JAG2: variants seen among roughly 807,000 people sequenced by gnomAD.
JAG2 encodes the protein protein jagged-2.
Under a neutral mutation model 141.7 loss-of-function variants are expected in JAG2, and 46 were observed. The observed-to-expected ratio is 0.32, with a 90% CI of 0.26 to 0.42. The LOEUF (loss-of-function observed/expected upper bound fraction) is 0.42, where lower values mean the gene tolerates loss of function less well. Ranked by LOEUF, JAG2 falls within the 10% of genes least tolerant of loss-of-function variation. The pLI is 1.00. For missense variants in JAG2, 1,500 were observed against 1,817.5 expected (o/e 0.83, Z 3.18); for synonymous variants, 862 against 763.5 (o/e 1.13, Z -2.13).
Position 105,167,477 on chromosome 14 carries a change from G to A in JAG2, c.417+280C>T, listed in dbSNP as rs1000703971. ...TCCCCACCCAGACAGACACGCGCAG[G>A]GCGACGCAGGCACACGCCGCACACC... is the stretch of plus-strand genomic sequence containing the variant. On this transcript the variant is annotated intron_variant, in intron 2 of 25. Transcript: ENST00000331782. The surrounding 1 kb of genome is among the most constrained non-coding windows in gnomAD (Gnocchi z 4.8). Among the ~76,000 whole-genome samples the A allele has an allele frequency of 1.1e-4, 16 of 151,192 alleles. No homozygotes were observed. Among genetic ancestry groups the A allele is most frequent in the Non-Finnish European group, 1.6e-4 (11 of 67,692 alleles).
chr14:105,152,062 G>A lies in JAG2; in HGVS notation c.920-5C>T. ...GGCTGCCACAGTAGTTCAGGTCTGG[G>A]GGCAGGGGTGGGATGCTCAGGGGAA... On this transcript the variant is annotated splice_polypyrimidine_tract_variant and splice_region_variant and intron_variant, in intron 6 of 25. Transcript: ENST00000331782. 2 of 1,613,188 alleles carry A rather than the reference G, an allele frequency of 1.2e-6. No individual in the cohort carries two copies. Among genetic ancestry groups the A allele is most frequent in the South Asian group, 1.1e-5 (1 of 91,078 alleles).
chr14:105,167,657 ACGCAGACCCGGC>A lies in JAG2; in HGVS notation c.417+88_417+99del, dbSNP rs1888960508. ...CCCCGCCTGGGCGCGCGCGGCTCGC[ACGCAGACCCGGC>A]CGCAGGTGTTGGGGGTCGCGAAGCG... is the stretch of plus-strand genomic sequence containing the variant. On this transcript the variant is annotated intron_variant, in intron 2 of 25. Transcript: ENST00000331782. This position sits in a 1 kb window ranked among gnomAD's most constrained non-coding sequence, Gnocchi z 4.8. 3 of 1,211,242 alleles carry A rather than the reference ACGCAGACCCGGC, an allele frequency of 2.5e-6. No homozygotes were observed. The highest frequency in any genetic ancestry group is 3.2e-5 in the South Asian group (1 of 30,822). The allele number at this position is 1,211,242 out of a possible 1,614,324, so 75.0% of individuals were successfully genotyped here. A position where few individuals can be genotyped will look rare whatever the true frequency, so the allele number is the denominator to read the frequency against.
At chr14:105,166,308 G>A (rs1385593129) in intron 2 of JAG2, among the ~76,000 whole-genome samples, 1 of 152,250 alleles carries the variant, frequency 6.6e-6, no homozygotes, top group Non-Finnish European at 1.5e-5. Flanking sequence ...CTGCCAACTC[G>A]AGCAGAAAAC....
At chr14:105,165,532 C>T (rs1888883052) in intron 2 of JAG2, among the ~76,000 whole-genome samples, 1 of 152,198 alleles carries the variant, frequency 6.6e-6, no homozygotes, top group Non-Finnish European at 1.5e-5. Flanking sequence ...TGGGCCCACC[C>T]ACTGAGGGAA....
intron 3 of JAG2, among the ~76,000 whole-genome samples, chr14:105,156,313 C>T (rs1435377912): frequency 2.0e-5 from 3 of 152,126 alleles, no homozygotes; most frequent in African/African-American, 4.8e-5. Flanking sequence ...GCTGCCAGGG[C>T]GTGAGTCTCA....
In JAG2 at chr14:105,146,682, G is replaced by A. The variant is rs757271289; in HGVS notation, c.2522C>T (p.Thr841Met). Residue 841 changes from threonine (T) to methionine (M), a missense_variant, in exon 21 of 26, where the codon ACG (threonine) becomes ATG (methionine). Transcript: ENST00000331782. ...ATACCCGTTGATCTCATCCACACACGTGGCCCCGTAGGCACAGGGCGAGGA... is the reference window on the plus strand; with the variant it reads ...ATACCCGTTGATCTCATCCACACACATGGCCCCGTAGGCACAGGGCGAGGA... ...CQSSPCAYGA[T>M]CVDEINGYRC... The A allele has an allele frequency of 6.8e-6, 11 of 1,612,568 alleles. No homozygotes were observed. The Admixed American group carries it at 1.0e-4, about 15-fold the overall frequency.
At chr14:105,144,707 G>A (rs1011885131) in intron 24 of JAG2, among the ~76,000 whole-genome samples, 8 of 152,210 alleles carry the variant, frequency 5.3e-5, no homozygotes, top group East Asian at 1.9e-4. Context: ...CAGGGGAAGC[G>A]GGCTCCACAC....
rs960689651 is a variant in JAG2 at position 105,146,512 on chromosome 14, A to G, written c.2594-12T>C. 1.2e-6 allele frequency: 2 copies of G among 1,611,034 alleles called. No homozygotes were observed. The highest frequency in any genetic ancestry group is 2.7e-5 in the African/African-American group (2 of 74,860). On this transcript the variant is annotated splice_polypyrimidine_tract_variant and intron_variant, in intron 21 of 25. Coordinates refer to ENST00000331782, the MANE Select transcript of JAG2 (RefSeq NM_002226.5). ...CCCGAACCCGATCACTGTGGGGAGA[A>G]GGGGCTCGAGGGTCAGCAGTGGGCA... is the stretch of plus-strand genomic sequence containing the variant.
At position 105,147,365 on chromosome 14, in the gene JAG2, C is replaced by A; in HGVS notation, c.2440G>T (p.Glu814Ter). The change falls in exon 20 of 26, where the codon GAG (glutamate) becomes TAG (stop). Residue 814 changes from glutamate to a stop codon, truncating the protein, a stop_gained. Transcript: ENST00000331782. LOFTEE classifies it high-confidence loss of function. ...CVDGVNWFRC[E>*]CAPGFAGPDC... ...GGCCCCGCGAAGCCAGGTGCACACT[C>A]GCAGCGGAACCAGTTGACGCCGTCA... 6.3e-7 allele frequency: 1 copy of A among 1,585,124 alleles called. No individual in the cohort carries two copies. The highest frequency in any genetic ancestry group is 1.1e-5 in the South Asian group (1 of 87,476).
chr14:105,143,391 G>GCC, intron 25 of JAG2, 91 bp downstream of exon 25: 2 of 1,458,932 alleles, frequency 1.4e-6, no homozygotes, highest in Non-Finnish European at 1.9e-6. Context: ...GTTCCTGGTG[G>GCC]CTGGCAGGAT....
Position 105,167,664 on chromosome 14 carries a change from C to A in JAG2, c.417+93G>T. On this transcript the variant is annotated intron_variant, in intron 2 of 25. Transcript: ENST00000331782. This position sits in a 1 kb window ranked among gnomAD's most constrained non-coding sequence, Gnocchi z 4.8. ...TGGGCGCGCGCGGCTCGCACGCAGA[C>A]CCGGCCGCAGGTGTTGGGGGTCGCG... The A allele has an allele frequency of 5.7e-6, 7 of 1,237,246 alleles. No homozygotes were observed. The highest frequency in any genetic ancestry group is 3.0e-5 in the South Asian group (1 of 33,480). The allele number at this position is 1,237,246 out of a possible 1,614,324, so 76.6% of individuals were successfully genotyped here.
In JAG2 at chr14:105,168,344, G is replaced by A. The variant is rs1191440349; in HGVS notation, c.66+11C>T. The stretch of plus-strand genomic sequence containing the variant: ...GTCCGCGACCCCCGCCGCCCCCGCC[G>A]CCCCGCTCACCTGCACCCAGAGCGC... On this transcript the variant is annotated intron_variant, in intron 1 of 25. Coordinates refer to ENST00000331782, the MANE Select transcript of JAG2 (RefSeq NM_002226.5). 3 of 432,798 alleles carry A rather than the reference G, an allele frequency of 6.9e-6. No individual in the cohort carries two copies. Among genetic ancestry groups the A allele is most frequent in the Non-Finnish European group, 6.4e-6 (2 of 310,906 alleles). 26.8% of individuals were successfully genotyped at this position (432,798 alleles called of 1,614,324 possible). A position where few individuals can be genotyped will look rare whatever the true frequency, so the allele number is the denominator to read the frequency against.
chr14:105,150,460 C>G (rs976673998), intron 12 of JAG2, 144 bp downstream of exon 12: 1 of 821,340 alleles, frequency 1.2e-6, no homozygotes, highest in Non-Finnish European at 1.9e-6. Flanking sequence ...ACCTGGCACC[C>G]AGTGGAGAGC....
At chr14:105,158,951 G>T (rs1888653667) in intron 2 of JAG2, among the ~76,000 whole-genome samples, 1 of 151,992 alleles carries the variant, frequency 6.6e-6, no homozygotes, top group Non-Finnish European at 1.5e-5. Flanking sequence ...ACGCCTGCCA[G>T]CCCTTCCCTG....
In JAG2 at chr14:105,152,293, T is replaced by TG; in HGVS notation, c.789-3dup. 1 of 1,612,878 alleles carries TG rather than the reference T, an allele frequency of 6.2e-7. No homozygotes were observed. Among genetic ancestry groups the TG allele is most frequent in the East Asian group, 2.2e-5 (1 of 44,860 alleles). ...CTCCCTTGCCAGCCGTAGCTGCACC[T>TG]GGGGGAAGGAGGAGGGGCGCAAGAC... is the stretch of plus-strand genomic sequence containing the variant. On this transcript the variant is annotated splice_region_variant and splice_polypyrimidine_tract_variant and intron_variant, in intron 5 of 25. Coordinates refer to ENST00000331782, the MANE Select transcript of JAG2 (RefSeq NM_002226.5).
At position 105,155,912 on chromosome 14, in the gene JAG2, C is replaced by T. The variant is rs748673922; in HGVS notation, c.553G>A (p.Gly185Ser). Residue 185 changes from glycine (G) to serine (S), a missense_variant, in exon 4 of 26, where the codon GGC (glycine) becomes AGC (serine). This residue lies in a region of JAG2 where 875 missense variants were observed against 1,202.2 expected (regional missense o/e 0.73). Coordinates refer to ENST00000331782, the MANE Select transcript of JAG2 (RefSeq NM_002226.5). ...EDRWKSLHFS[G>S]HVAHLELQIR... ...TGCAGCTCCAGGTGCGCCACGTGGC[C>T]GCTGAAGTGCAGGCTCTTCCAGCGG... 6.2e-7 allele frequency: 1 copy of T among 1,612,018 alleles called. No individual in the cohort carries two copies. Among genetic ancestry groups the T allele is most frequent in the Non-Finnish European group, 8.5e-7 (1 of 1,179,770 alleles).
intron 2 of JAG2, among the ~76,000 whole-genome samples, chr14:105,163,695 G>A (rs3784236): frequency 0.66 from 99,077 of 150,148 alleles, 33,097 homozygotes; most frequent in Middle Eastern, 0.75. Context: ...TGGGGTCTGG[G>A]GACAGGGACC....
In JAG2 at chr14:105,141,310, A is replaced by G. The variant is rs1888053693; in HGVS notation, c.*1385T>C. On this transcript the variant is annotated 3_prime_UTR_variant, in exon 26 of 26. Transcript: ENST00000331782. ...GAAGGGCTGCTTCTCTCCTGCCTCC[A>G]TCAAATGCTGACCTTGCCTCTGAAT... 1 of 152,290 alleles carries G rather than the reference A, an allele frequency of 6.6e-6. No individual in the cohort carries two copies. Among genetic ancestry groups the G allele is most frequent in the Non-Finnish European group, 1.5e-5 (1 of 68,062 alleles). 9.4% of individuals were successfully genotyped at this position (152,290 alleles called of 1,614,324 possible).
At chr14:105,164,707 G>A (rs1162976742) in intron 2 of JAG2, among the ~76,000 whole-genome samples, 1 of 152,188 alleles carries the variant, frequency 6.6e-6, no homozygotes, top group African/African-American at 2.4e-5. Context: ...GGGCAAAGGA[G>A]AGGGTAGGGA....
Sources: gnomAD v4.1 joint callset for allele counts (sites outside exome capture counted in the v4.1 genomes callset) on GRCh38, gnomAD v4.1.1 for gene constraint, gnomAD v4.1.1 regional missense constraint, Gnocchi (gnomAD v3.1) non-coding constraint, MANE v1.5 for transcripts, NCBI Gene and HGNC (gene_info 2026-07-23, HGNC 2026-07-21) for gene names.